FLII: variants seen among roughly 807,000 people sequenced by gnomAD.
FLII encodes the protein FLII actin remodeling protein.
Under a neutral mutation model 156.2 loss-of-function variants are expected in FLII, and 101 were observed. The ratio of observed to expected loss-of-function variants is 0.65; its 90% CI spans 0.55 to 0.76. FLII has a LOEUF of 0.76. FLII is among the 30% of genes least tolerant of loss of function. The pLI is 0.00. For synonymous variants in FLII, 767 were observed against 685.8 expected, an observed-to-expected ratio of 1.12 and a Z score of -1.85; for missense variants, 1,675 against 1,682.8, an observed-to-expected ratio of 1.00 and a Z score of 0.08.
chr17:18,258,668 G>A lies in FLII; in HGVS notation c.23C>T (p.Pro8Leu), dbSNP rs767251437. The A allele has an allele frequency of 6.5e-7, 1 of 1,542,738 alleles. No homozygotes were observed. The highest frequency in any genetic ancestry group is 8.7e-7 in the Non-Finnish European group (1 of 1,154,224). The change falls in exon 1 of 30, where the codon CCG (proline) becomes CTG (leucine). Residue 8 changes from proline (P) to leucine (L), a missense_variant. Pro to Leu is a moderately conservative substitution (Grantham distance 98). Coordinates refer to ENST00000327031, the MANE Select transcript of FLII (RefSeq NM_002018.4). This position sits in a 1 kb window ranked among gnomAD's most constrained non-coding sequence, Gnocchi z 4.2. Reference protein sequence around the residue: MEATGVLPFVRGVDLSGN... With the variant: MEATGVLLFVRGVDLSGN... Reference sequence around the variant, plus strand: ...GCTGAGGTCCACGCCACGCACGAACGGCAGCACCCCGGTGGCCTCCATGGC... The same window carrying A: ...GCTGAGGTCCACGCCACGCACGAACAGCAGCACCCCGGTGGCCTCCATGGC...
intron 14 of FLII, among the ~76,000 whole-genome samples, chr17:18,249,995 C>T (rs1381410445): frequency 1.3e-5 from 2 of 151,818 alleles, no homozygotes; most frequent in Non-Finnish European, 2.9e-5. Context: ...GTAGCACATG[C>T]CTGTAATCCC....
Position 18,258,447 on chromosome 17 carries a change from A to C in FLII, c.63+181T>G. On this transcript the variant is annotated intron_variant, in intron 1 of 29. Transcript: ENST00000327031. The surrounding 1 kb of genome is among the most constrained non-coding windows in gnomAD (Gnocchi z 4.2). ...CTGCCCAGCCTCGGTCTCCCCGTAC[A>C]GGCACTGGGCGGAGGCCTCGGAGGT... The C allele has an allele frequency of 9.3e-6, 14 of 1,502,072 alleles. No individual in the cohort carries two copies. Among genetic ancestry groups the C allele is most frequent in the Non-Finnish European group, 1.2e-5 (14 of 1,129,272 alleles). The allele number at this position is 1,502,072 out of a possible 1,614,324, so 93.0% of individuals were successfully genotyped here.
In FLII at chr17:18,246,646, A is replaced by G. The variant is rs1255403162; in HGVS notation, c.2999T>C (p.Phe1000Ser). 1 of 1,613,972 alleles carries G rather than the reference A, an allele frequency of 6.2e-7. No homozygotes were observed. Among genetic ancestry groups the G allele is most frequent in the Non-Finnish European group, 8.5e-7 (1 of 1,179,932 alleles). ...REASNMGWLT[F>S]TFSLQKKFES... Reference sequence around the variant, plus strand: ...GAACTTCTTTTGCAGGCTGAAGGTGAAGGTGAGCCAGCCCATATTGGAGGC... The same window carrying G: ...GAACTTCTTTTGCAGGCTGAAGGTGGAGGTGAGCCAGCCCATATTGGAGGC... Residue 1000 changes from phenylalanine (F) to serine (S), a missense_variant, in exon 23 of 30, where the codon TTC becomes TCC. This residue lies in a region of FLII where 1,332 missense variants were observed against 1,269.3 expected (regional missense o/e 1.05). Coordinates refer to ENST00000327031, the MANE Select transcript of FLII (RefSeq NM_002018.4).
Position 18,258,529 on chromosome 17 carries a change from C to T in FLII, c.63+99G>A, listed in dbSNP as rs924419145. The stretch of plus-strand genomic sequence containing the variant: ...CCCCGGCCGCAGTCCCTGGGACACG[C>T]AGGGCCTGGAGCCGAGCGGGACAGG... On this transcript the variant is annotated intron_variant, in intron 1 of 29. Coordinates refer to ENST00000327031, the MANE Select transcript of FLII (RefSeq NM_002018.4). The surrounding 1 kb of genome is among the most constrained non-coding windows in gnomAD (Gnocchi z 4.2). The T allele has an allele frequency of 1.3e-6, 2 of 1,512,626 alleles. No homozygotes were observed. The highest frequency in any genetic ancestry group is 1.8e-6 in the Non-Finnish European group (2 of 1,137,236). 93.7% of individuals were successfully genotyped at this position (1,512,626 alleles called of 1,614,324 possible).
rs200048813 is a variant in FLII, at chr17:18,245,854, C to T, written c.3397-4G>A. ...GCTCCTCACCTTCGTTGATAACCTG[C>T]GGGAAAGGCCAGTCCAGCCCAGGGC... On this transcript the variant is annotated splice_region_variant and splice_polypyrimidine_tract_variant and intron_variant, in intron 26 of 29. Transcript: ENST00000327031. The T allele has an allele frequency of 1.5e-5, 25 of 1,613,806 alleles. No homozygotes were observed. The highest frequency in any genetic ancestry group is 9.9e-5 in the South Asian group (9 of 91,060).
chr17:18,251,479 T>TG lies in FLII; in HGVS notation c.1384-3dup. On this transcript the variant is annotated splice_region_variant and splice_polypyrimidine_tract_variant and intron_variant, in intron 12 of 29. Transcript: ENST00000327031. Reference sequence around the variant, plus strand: ...GGGGGCCCGGGCATCTGCGCTCTCCTGGGGGCAGAGTCACAGAGCACGGCT... The same window carrying TG: ...GGGGGCCCGGGCATCTGCGCTCTCCTGGGGGGCAGAGTCACAGAGCACGGCT... The TG allele has an allele frequency of 1.2e-6, 2 of 1,600,734 alleles. No homozygotes were observed. The highest frequency in any genetic ancestry group is 1.1e-5 in the South Asian group (1 of 89,962).
chr17:18,257,402 A>C, intron 1 of FLII: 1 of 211,392 alleles, frequency 4.7e-6, no homozygotes, highest in African/African-American at 2.3e-5. Flanking sequence ...GCCTTTGCAA[A>C]GGCGCCACCT....
chr17:18,248,972 C>T (rs571341422), intron 16 of FLII, 89 bp from the exon 17 acceptor site: 2 of 1,433,906 alleles, frequency 1.4e-6, no homozygotes, highest in East Asian at 2.3e-5. Flanking sequence ...AAATCCCTCA[C>T]TATGGGGTTT....
chr17:18,245,748 AG>A lies in FLII; in HGVS notation c.3498del (p.Phe1167SerfsTer12). ...GGGTCAGGGCCCTGGCCTCACCGGA[AG>A]AGACGTGTGTGTTTCATGTACTCGG... The part of the protein sequence containing the change: ...DDAEYMKHTR[L>X]FRCSNEKGYF... On this transcript the variant is annotated frameshift_variant, in exon 27 of 30. Coordinates refer to ENST00000327031, the MANE Select transcript of FLII (RefSeq NM_002018.4). LOFTEE classifies it high-confidence loss of function. 6.2e-7 allele frequency: 1 copy of A among 1,613,876 alleles called. No individual in the cohort carries two copies. The highest frequency in any genetic ancestry group is 8.5e-7 in the Non-Finnish European group (1 of 1,179,842).
intron 22 of FLII, 25 bp downstream of exon 22, chr17:18,246,887 TG>T: frequency 1.2e-6 from 2 of 1,614,012 alleles, no homozygotes; most frequent in Non-Finnish European, 1.7e-6. Context: ...GGGAGGGACT[TG>T]GGGAAGGGAG....
chr17:18,252,117 C>G lies in FLII; in HGVS notation c.1128G>C (p.Leu376=). Residue 376 remains leucine, a synonymous_variant, in exon 11 of 30, where the codon CTG becomes CTC. Coordinates refer to ENST00000327031, the MANE Select transcript of FLII (RefSeq NM_002018.4). Reference sequence around the variant, plus strand: ...GGTCTGCGGGCTTGGGCGGCATGACCAGGTTGGGGTTCTCCCGCACATCCA... The same window carrying G: ...GGTCTGCGGGCTTGGGCGGCATGACGAGGTTGGGGTTCTCCCGCACATCCA... ...EVLDVRENPN[L]VMPPKPADRA... is the part of the protein sequence containing the mutation. The G allele has an allele frequency of 6.2e-7, 1 of 1,613,400 alleles. No homozygotes were observed. Among genetic ancestry groups the G allele is most frequent in the Non-Finnish European group, 8.5e-7 (1 of 1,180,038 alleles).
Position 18,246,782 on chromosome 17 carries a change from T to TGTCTTCCTTCTTTTCCTCCTCCTC in FLII, c.2839_2862dup (p.Glu947_Asp954dup). 6.2e-7 allele frequency: 1 copy of TGTCTTCCTTCTTTTCCTCCTCCTC among 1,613,720 alleles called. No individual in the cohort carries two copies. ...TCTTTGCCCTCGGCCTTCTCCTCCTTGTCTTCCTTCTTTTCCTCCTCCTCG... is the reference window on the plus strand; with the variant it reads ...TCTTTGCCCTCGGCCTTCTCCTCCTTGTCTTCCTTCTTTTCCTCCTCCTCGTCTTCCTTCTTTTCCTCCTCCTCG... On this transcript the variant is annotated inframe_insertion, in exon 23 of 30. Transcript: ENST00000327031.
At position 18,247,368 on chromosome 17, in the gene FLII, G is replaced by A; in HGVS notation, c.2488-11C>T. ...CTTGGCCTTGAACACCTGCCAGGGA[G>A]GCCATCAACTAACCATGAGGGGTGC... is the stretch of plus-strand genomic sequence containing the variant. On this transcript the variant is annotated splice_polypyrimidine_tract_variant and intron_variant, in intron 20 of 29. Coordinates refer to ENST00000327031, the MANE Select transcript of FLII (RefSeq NM_002018.4). 1 of 1,593,628 alleles carries A rather than the reference G, an allele frequency of 6.3e-7. No homozygotes were observed. Among genetic ancestry groups the A allele is most frequent in the Non-Finnish European group, 8.5e-7 (1 of 1,170,538 alleles).
At chr17:18,256,878 G>T in intron 2 of FLII, 31 bp downstream of exon 2, 1 of 1,467,588 alleles carries the variant, frequency 6.8e-7, no homozygotes, top group Non-Finnish European at 9.4e-7. Flanking sequence ...CATCCACAGG[G>T]ACCCTCCCCT....
intron 4 of FLII, 110 bp downstream of exon 4, chr17:18,255,073 A>G (rs2048376042): frequency 2.0e-6 from 2 of 1,001,382 alleles, no homozygotes; most frequent in East Asian, 2.4e-5. Flanking sequence ...TCCAAGACTC[A>G]GTTTTCCCAT....
intron 18 of FLII, among the ~76,000 whole-genome samples, chr17:18,248,251 A>C (rs764988813): frequency 3.3e-5 from 5 of 152,110 alleles, no homozygotes; most frequent in Non-Finnish European, 7.4e-5. Flanking sequence ...TGCCATTTCT[A>C]ATTAACGTGT....
At position 18,244,852 on chromosome 17, in the gene FLII, T is replaced by C. The variant is rs529688921; in HGVS notation, c.*286A>G. 3.8e-5 allele frequency: 15 copies of C among 398,998 alleles called. No individual in the cohort carries two copies. The East Asian group carries it at 5.4e-4, about 14-fold the overall frequency. The allele number at this position is 398,998 out of a possible 1,614,324, so 24.7% of individuals were successfully genotyped here. A position where few individuals can be genotyped will look rare whatever the true frequency, so the allele number is the denominator to read the frequency against. ...AAATACTGATTTTTAATATTGAAAA[T>C]AAAAGCATTTAATATCTCTTAAAGG... is the stretch of plus-strand genomic sequence containing the variant. On this transcript the variant is annotated 3_prime_UTR_variant, in exon 30 of 30. Coordinates refer to ENST00000327031, the MANE Select transcript of FLII (RefSeq NM_002018.4).
At chr17:18,252,268 C>T (rs2048295872) in intron 10 of FLII, 122 bp from the exon 11 acceptor site, 4 of 984,304 alleles carry the variant, frequency 4.1e-6, no homozygotes, top group Non-Finnish European at 3.1e-6. Flanking sequence ...CTGGGTTCTC[C>T]TCCCACCCAC....
At chr17:18,254,216 C>A in intron 6 of FLII, 34 bp from the exon 7 acceptor site, 1 of 1,538,576 alleles carries the variant, frequency 6.5e-7, no homozygotes. Context: ...AGGGCCAGGG[C>A]CCACCTAGGG....
Sources: gnomAD v4.1 joint callset for allele counts (sites outside exome capture counted in the v4.1 genomes callset) on GRCh38, gnomAD v4.1.1 for gene constraint, gnomAD v4.1.1 regional missense constraint, Gnocchi (gnomAD v3.1) non-coding constraint, MANE v1.5 for transcripts, NCBI Gene and HGNC (gene_info 2026-07-23, HGNC 2026-07-21) for gene names.